The following FOXK2 variants were observed in gnomAD, a reference collection of about 807,000 sequenced individuals.
The protein encoded by FOXK2 is forkhead box K2.
A neutral mutation model predicts 53.3 loss-of-function variants in FOXK2; 24 were observed. The observed-to-expected ratio is 0.45, with a 90% CI of 0.33 to 0.63. The LOEUF (loss-of-function observed/expected upper bound fraction) is 0.63, where lower values mean the gene tolerates loss of function less well. Among genes scored for constraint, FOXK2 ranks in the 30% least tolerant of loss-of-function variants. The probability of loss-of-function intolerance (pLI) is 0.03; values close to 1 mark genes in which losing one functional copy is unlikely to be tolerated. For synonymous variants in FOXK2, 505 were observed against 407.1 expected (o/e 1.24, Z -2.89); for missense variants, 952 against 910.5 (o/e 1.05, Z -0.59).
At position 82,603,010 on chromosome 17, in the gene FOXK2, CATTT is replaced by C. The variant is rs879116569; in HGVS notation, c.*1515_*1518del. The C allele has an allele frequency of 6.6e-6, 1 of 152,524 alleles. No individual in the cohort carries two copies. The highest frequency in any genetic ancestry group is 1.5e-5 in the Non-Finnish European group (1 of 68,034). The allele number at this position is 152,524 out of a possible 1,614,324, so 9.4% of individuals were successfully genotyped here. On this transcript the variant is annotated 3_prime_UTR_variant, in exon 9 of 9. Transcript: ENST00000335255. ...ATGGTATATTTAGGCAATTTTAAAA[CATTT>C]ATTATTTACATAAAGACCAAATATG...
At chr17:82,594,554 G>T (rs1280346356) in intron 8 of FOXK2, among the ~76,000 whole-genome samples, 2 of 151,346 alleles carry the variant, frequency 1.3e-5, no homozygotes. Context: ...TGGAATTTAT[G>T]TGGGGAGGAT....
At chr17:82,579,026 C>T (rs2045024814) in intron 4 of FOXK2, among the ~76,000 whole-genome samples, 1 of 152,208 alleles carries the variant, frequency 6.6e-6, no homozygotes, top group Admixed American at 6.5e-5. Context: ...GTTGTCTGTT[C>T]TTCAGACTCG....
chr17:82,531,196 G>C (rs1014642084), intron 1 of FOXK2, among the ~76,000 whole-genome samples: 5 of 152,058 alleles, frequency 3.3e-5, no homozygotes, highest in African/African-American at 1.2e-4. Context: ...TTGACCCCTG[G>C]GTGACCTCCT....
chr17:82,531,346 C>T (rs1016409400), intron 1 of FOXK2, among the ~76,000 whole-genome samples: 3 of 152,160 alleles, frequency 2.0e-5, no homozygotes, highest in African/African-American at 7.2e-5. Flanking sequence ...AGATTAAATT[C>T]ACTTCTGATT....
intron 1 of FOXK2, among the ~76,000 whole-genome samples, chr17:82,556,579 TGGGGC>T (rs2044727476): frequency 7.5e-6 from 1 of 134,156 alleles, no homozygotes; most frequent in African/African-American, 2.8e-5. Context: ...GGGCTGGGGC[TGGGGC>T]TGGGGCTGGG....
In FOXK2 at chr17:82,585,954, C is replaced by G. The variant is rs201298971; in HGVS notation, c.1330C>G (p.Pro444Ala). The change falls in exon 7 of 9, where the codon CCA becomes GCA. Residue 444 changes from proline to alanine, a missense_variant. Transcript: ENST00000335255. Reference protein sequence around the residue: ...PVLITVQRQLPQAIKPVTYTV... With the variant: ...PVLITVQRQLAQAIKPVTYTV... ...CTTAATCACCGTCCAGCGGCAGCTA[C>G]CACAGGCCATCAAGCCTGTCACCTA... The G allele has an allele frequency of 6.2e-7, 1 of 1,612,648 alleles. No individual in the cohort carries two copies. The highest frequency in any genetic ancestry group is 8.5e-7 in the Non-Finnish European group (1 of 1,179,938).
intron 4 of FOXK2, among the ~76,000 whole-genome samples, chr17:82,574,684 G>A (rs904422413): frequency 3.3e-5 from 5 of 152,116 alleles, no homozygotes; most frequent in Non-Finnish European, 7.4e-5. Context: ...TGACCCTCAC[G>A]GGCTCTTCCT....
rs766313577 is a variant in FOXK2 at position 82,587,175 on chromosome 17, A to G, written c.1689A>G (p.Ala563=). The G allele has an allele frequency of 5.6e-6, 9 of 1,613,038 alleles. No individual in the cohort carries two copies. In the South Asian group the frequency reaches 9.9e-5, roughly 18 times the overall value. ...AGACGGTGACCATAGTACAACAGGC[A>G]CCTCTAGGTCAACACCAGCTACCAA... The part of the protein sequence containing the change: ...PVQTVTIVQQ[A]PLGQHQLPIK... The change falls in exon 8 of 9, where the codon GCA becomes GCG. Residue 563 remains alanine, a synonymous_variant. Transcript: ENST00000335255.
At chr17:82,583,707 C>A (rs1035329429) in intron 5 of FOXK2, among the ~76,000 whole-genome samples, 1 of 152,176 alleles carries the variant, frequency 6.6e-6, no homozygotes, top group Non-Finnish European at 1.5e-5. Context: ...CGGACCTGCT[C>A]GCTGCCGGCT....
At chr17:82,526,506 T>C (rs1030697134) in intron 1 of FOXK2, among the ~76,000 whole-genome samples, 3 of 152,016 alleles carry the variant, frequency 2.0e-5, no homozygotes, top group Admixed American at 6.6e-5. Flanking sequence ...ACCTCATCAC[T>C]AAGGTGAAGT....
At chr17:82,568,844 T>TA (rs1313197100) in intron 3 of FOXK2, among the ~76,000 whole-genome samples, 1 of 144,704 alleles carries the variant, frequency 6.9e-6, no homozygotes, top group Non-Finnish European at 1.6e-5. Context: ...ACCCCGCTTC[T>TA]ACCAAAAAAA....
At chr17:82,556,702 T>C (rs926361854) in intron 1 of FOXK2, among the ~76,000 whole-genome samples, 5 of 150,920 alleles carry the variant, frequency 3.3e-5, no homozygotes, top group Non-Finnish European at 5.9e-5. Flanking sequence ...TTTTTATTTT[T>C]ATTTTTATTT....
At chr17:82,590,506 A>T (rs796449716) in intron 8 of FOXK2, among the ~76,000 whole-genome samples, 3 of 152,138 alleles carry the variant, frequency 2.0e-5, no homozygotes, top group African/African-American at 7.2e-5. Context: ...CTTTGAAGAA[A>T]TTTTTTTTAA....
chr17:82,600,124 C>T (rs1290208909), intron 8 of FOXK2: 1 of 152,166 alleles, frequency 6.6e-6, no homozygotes, highest in Non-Finnish European at 1.5e-5. Flanking sequence ...CTCAGAGCAT[C>T]ACGGGGCCCA....
At chr17:82,529,103 T>C (rs573828697) in intron 1 of FOXK2, among the ~76,000 whole-genome samples, 128 of 152,312 alleles carry the variant, frequency 8.4e-4, no homozygotes, top group African/African-American at 3.0e-3. Flanking sequence ...TAATAAAAGT[T>C]GGTTATGACT....
chr17:82,540,672 G>A (rs971328478), intron 1 of FOXK2, among the ~76,000 whole-genome samples: 1 of 152,144 alleles, frequency 6.6e-6, no homozygotes, highest in East Asian at 1.9e-4. Context: ...AAGACCAGCC[G>A]TGAAGGTTCC....
chr17:82,528,335 T>A (rs2044438866), intron 1 of FOXK2, among the ~76,000 whole-genome samples: 1 of 152,222 alleles, frequency 6.6e-6, no homozygotes, highest in East Asian at 1.9e-4. Flanking sequence ...TTTTGGAAAA[T>A]GAAGAAAAGA....
chr17:82,599,599 C>T (rs916568298), intron 8 of FOXK2: 2 of 152,264 alleles, frequency 1.3e-5, no homozygotes, highest in Non-Finnish European at 2.9e-5. Flanking sequence ...CCCGATGTCA[C>T]TGGGTCCCCG....
intron 1 of FOXK2, among the ~76,000 whole-genome samples, chr17:82,535,040 T>C (rs1338387686): frequency 6.6e-6 from 1 of 152,160 alleles, no homozygotes; most frequent in African/African-American, 2.4e-5. Context: ...CCACCACACC[T>C]GGCTGATTTT....
Sources: gnomAD v4.1 joint callset for allele counts (sites outside exome capture counted in the v4.1 genomes callset) on GRCh38, gnomAD v4.1.1 for gene constraint, MANE v1.5 for transcripts, NCBI Gene and HGNC (gene_info 2026-07-23, HGNC 2026-07-21) for gene names.